ELMO1: variants seen among roughly 807,000 people sequenced by gnomAD.
ELMO1 encodes engulfment and cell motility protein 1.
ELMO1 carries 26 observed loss-of-function variants against 98.9 expected under a neutral mutation model. That is an observed-to-expected ratio of 0.26 (90% CI 0.19 to 0.36). The LOEUF (loss-of-function observed/expected upper bound fraction) is 0.36. Among genes scored for constraint, ELMO1 ranks in the 10% least tolerant of loss-of-function variants. The pLI, the probability that ELMO1 is intolerant of heterozygous loss-of-function variation, is 1.00. For missense variants in ELMO1, 627 were observed against 935.2 expected, an observed-to-expected ratio of 0.67 and a Z score of 4.30; for synonymous variants, 346 against 346.0, an observed-to-expected ratio of 1.00 and a Z score of 0.00.
intron 4 of ELMO1, among the ~76,000 whole-genome samples, chr7:37,281,243 G>A (rs879137967): frequency 3.3e-5 from 5 of 151,420 alleles, no homozygotes; most frequent in African/African-American, 9.7e-5. Flanking sequence ...AGAGCGGGAG[G>A]GGGGTGAGGG....
intron 14 of ELMO1, 144 bp downstream of exon 14, chr7:37,132,986 C>T (rs2129299597): frequency 1.9e-6 from 1 of 525,870 alleles, no homozygotes; most frequent in Non-Finnish European, 3.1e-6. Flanking sequence ...TCACTTAATT[C>T]TGATTTTTTT....
At chr7:37,194,604 T>C (rs1427284689) in intron 13 of ELMO1, among the ~76,000 whole-genome samples, 6 of 152,194 alleles carry the variant, frequency 3.9e-5, no homozygotes, top group African/African-American at 1.4e-4. Context: ...CAGCACATAA[T>C]ATTTTATGGC....
At chr7:37,296,047 T>TTATA (rs1265631066) in intron 4 of ELMO1, among the ~76,000 whole-genome samples, 1 of 152,168 alleles carries the variant, frequency 6.6e-6, no homozygotes, top group African/African-American at 2.4e-5. Context: ...ACAGATATAT[T>TTATA]TATCTCCACA....
At chr7:37,063,225 T>C (rs1489505013) in intron 15 of ELMO1, among the ~76,000 whole-genome samples, 2 of 152,026 alleles carry the variant, frequency 1.3e-5, no homozygotes, top group African/African-American at 2.4e-5. Context: ...TGCTCACACC[T>C]GGACCAAGTC....
chr7:37,142,573 C>G (rs963787978), intron 13 of ELMO1, among the ~76,000 whole-genome samples: 2 of 152,114 alleles, frequency 1.3e-5, no homozygotes, highest in African/African-American at 4.8e-5. Flanking sequence ...TACTTTTTTC[C>G]TTACCACCAG....
Position 37,148,641 on chromosome 7 carries a change from A to T in ELMO1, c.1087-15407T>A, listed in dbSNP as rs934686974. ...AAAATTGAAGCTGGTTATGATTTTT[A>T]AAAAAGTCTTTATGAATAATGAAAT... On this transcript the variant is annotated intron_variant, in intron 13 of 21. Coordinates refer to ENST00000310758, the MANE Select transcript of ELMO1 (RefSeq NM_014800.11). Among the ~76,000 whole-genome samples the T allele has an allele frequency of 4.6e-5, 7 of 152,226 alleles. No homozygotes were observed. In the South Asian group the frequency reaches 6.2e-4, roughly 14 times the overall value.
chr7:37,214,115 G>A (rs73108948), intron 11 of ELMO1, among the ~76,000 whole-genome samples: 181 of 152,290 alleles, frequency 1.2e-3, no homozygotes, highest in Middle Eastern at 3.4e-3. Flanking sequence ...TGGCAGGACA[G>A]GAAGACTGGA....
intron 4 of ELMO1, among the ~76,000 whole-genome samples, chr7:37,297,678 G>A (rs6965164): frequency 0.35 from 52,863 of 150,662 alleles, 10,283 homozygotes; most frequent in Middle Eastern, 0.53. Flanking sequence ...CTGACTTCAA[G>A]AATTGAGTTG....
intron 14 of ELMO1, among the ~76,000 whole-genome samples, chr7:37,118,797 T>C (rs1476961832): frequency 6.6e-6 from 1 of 152,188 alleles, no homozygotes; most frequent in Non-Finnish European, 1.5e-5. Context: ...TCTAAGTTAA[T>C]TGGGGAGGGA....
At chr7:37,063,893 C>G (rs1407778681) in intron 15 of ELMO1, among the ~76,000 whole-genome samples, 2 of 152,160 alleles carry the variant, frequency 1.3e-5, no homozygotes, top group African/African-American at 2.4e-5. Context: ...CAACCAGCCC[C>G]CTCCTGCCAC....
chr7:37,269,598 C>G (rs914466433), intron 5 of ELMO1: 1 of 152,466 alleles, frequency 6.6e-6, no homozygotes, highest in Non-Finnish European at 1.5e-5. Context: ...CCTGCCACCA[C>G]GCCTGGCTAA....
intron 1 of ELMO1, among the ~76,000 whole-genome samples, chr7:37,345,201 T>C (rs1434063293): frequency 6.6e-6 from 1 of 152,168 alleles, no homozygotes; most frequent in East Asian, 1.9e-4. Flanking sequence ...AGTCACTCAT[T>C]CAACAAATAA....
At chr7:37,392,573 CCA>C (rs1453116976) in intron 1 of ELMO1, among the ~76,000 whole-genome samples, 1 of 152,148 alleles carries the variant, frequency 6.6e-6, no homozygotes, top group Non-Finnish European at 1.5e-5. Flanking sequence ...GAGGGCAGCC[CCA>C]CTCTAGCCTC....
chr7:37,137,139 A>T (rs916296967), intron 13 of ELMO1, among the ~76,000 whole-genome samples: 1 of 152,198 alleles, frequency 6.6e-6, no homozygotes, highest in Non-Finnish European at 1.5e-5. Flanking sequence ...ATCAGACAAA[A>T]CTAACTTTAA....
In ELMO1 at chr7:37,115,336, G is replaced by A. The variant is rs972195216; in HGVS notation, c.1191+17794C>T. 2.6e-5 allele frequency among the ~76,000 whole-genome samples: 4 copies of A among 152,100 alleles called. No homozygotes were observed. The South Asian group carries it at 8.3e-4, about 32-fold the overall frequency. On this transcript the variant is annotated intron_variant, in intron 14 of 21. Transcript: ENST00000310758. The stretch of plus-strand genomic sequence containing the variant: ...CTATATAGCTCTCATGAACATAAAT[G>A]TAAATATCCTTCACAAAATTATCAA...
chr7:37,375,077 G>GA (rs951816673), intron 1 of ELMO1, among the ~76,000 whole-genome samples: 16 of 152,070 alleles, frequency 1.1e-4, no homozygotes, highest in East Asian at 7.8e-4. Context: ...AGAAAAGAAA[G>GA]AAAAAATCTC....
intron 16 of ELMO1, among the ~76,000 whole-genome samples, chr7:36,962,463 T>C (rs952697692): frequency 2.0e-5 from 3 of 152,198 alleles, no homozygotes; most frequent in Non-Finnish European, 2.9e-5. Context: ...AAGAAGTTCC[T>C]GTAGTGACCC....
intron 16 of ELMO1, among the ~76,000 whole-genome samples, chr7:36,951,492 C>CT (rs1787962811): frequency 6.6e-6 from 1 of 152,220 alleles, no homozygotes; most frequent in Non-Finnish European, 1.5e-5. Context: ...TAGCCTTAAT[C>CT]AGTGGTTCTC....
chr7:36,921,311 CT>C (rs2129074693), intron 16 of ELMO1, among the ~76,000 whole-genome samples: 1 of 152,326 alleles, frequency 6.6e-6, no homozygotes, highest in African/African-American at 2.4e-5. Context: ...AATCTTCTGC[CT>C]TTGGAACCTG....
Sources: allele counts gnomAD v4.1 joint callset (sites outside exome capture counted in the v4.1 genomes callset), GRCh38; gene constraint gnomAD v4.1.1; transcripts MANE v1.5; gene names NCBI Gene and HGNC (gene_info 2026-07-23, HGNC 2026-07-21).